MYO5A: variants seen among roughly 807,000 people sequenced by gnomAD.
MYO5A encodes unconventional myosin-Va.
Under a neutral mutation model 249.7 loss-of-function variants are expected in MYO5A, and 98 were observed. That is an observed-to-expected ratio of 0.39 (90% CI 0.33 to 0.46). The LOEUF (loss-of-function observed/expected upper bound fraction) is 0.46. MYO5A is among the 20% of genes least tolerant of loss of function. The pLI, the probability that MYO5A is intolerant of heterozygous loss-of-function variation, is 0.98. For synonymous variants in MYO5A, 778 were observed against 810.6 expected, an observed-to-expected ratio of 0.96 and a Z score of 0.68; for missense variants, 1,696 against 2,308.8, an observed-to-expected ratio of 0.73 and a Z score of 5.44.
At chr15:52,387,237 C>T (rs1044632066) in intron 14 of MYO5A, among the ~76,000 whole-genome samples, 2 of 152,124 alleles carry the variant, frequency 1.3e-5, no homozygotes, top group African/African-American at 4.8e-5. Flanking sequence ...TAGCTCTTAC[C>T]ATCTGGAATA....
At position 52,352,727 on chromosome 15, in the gene MYO5A, G is replaced by A. The variant is rs1421497833; in HGVS notation, c.3621+878C>T. On this transcript the variant is annotated intron_variant, in intron 27 of 41. Coordinates refer to ENST00000399233, the MANE Select transcript of MYO5A (RefSeq NM_001382347.1). ...GAACCTGGGAGGCGGTGCTTGCAGT[G>A]AGCCAAGATCACACCACTGCACTCC... Among the ~76,000 whole-genome samples, 4 of 152,130 alleles carry A rather than the reference G, an allele frequency of 2.6e-5. No individual in the cohort carries two copies. In the South Asian group the frequency reaches 8.3e-4, roughly 32 times the overall value.
At chr15:52,467,904 C>T (rs1467048523) in intron 1 of MYO5A, among the ~76,000 whole-genome samples, 1 of 152,160 alleles carries the variant, frequency 6.6e-6, no homozygotes, top group East Asian at 1.9e-4. Flanking sequence ...AAAAACCTAG[C>T]AGCCAATAAT....
intron 4 of MYO5A, among the ~76,000 whole-genome samples, chr15:52,417,609 G>A (rs148607890): frequency 2.2e-4 from 34 of 152,328 alleles, no homozygotes; most frequent in African/African-American, 7.9e-4. Context: ...GATATTGGGA[G>A]GTGGGGCCTT....
At chr15:52,507,507 C>G (rs1026810694) in intron 1 of MYO5A, among the ~76,000 whole-genome samples, 1 of 152,092 alleles carries the variant, frequency 6.6e-6, no homozygotes, top group Non-Finnish European at 1.5e-5. Context: ...TGTCCTAAAA[C>G]GTTCCAGAAG....
rs761592386 is a variant in MYO5A, at chr15:52,323,365, C to T, written c.4790G>A (p.Ser1597Asn). 5.0e-6 allele frequency: 8 copies of T among 1,612,850 alleles called. No individual in the cohort carries two copies. Among genetic ancestry groups the T allele is most frequent in the African/African-American group, 1.3e-5 (1 of 74,890 alleles). ...TCAAGGTTTTCTCACCTCTTCTCCACTGTACTGTTTCAAGCAGTGCAAAAA... is the reference window on the plus strand; with the variant it reads ...TCAAGGTTTTCTCACCTCTTCTCCATTGTACTGTTTCAAGCAGTGCAAAAA... ...CRFLHCLKQY[S>N]GEEGFMKHNT... Residue 1597 changes from serine to asparagine, a missense_variant, in exon 37 of 42, where the codon AGT becomes AAT. Physicochemically the swap from Ser to Asn is conservative, Grantham distance 46. Around this residue, in one of 5 missense-constraint regions of MYO5A, gnomAD observed 625 missense variants for 908.1 expected, o/e 0.69. Coordinates refer to ENST00000399233, the MANE Select transcript of MYO5A (RefSeq NM_001382347.1).
At chr15:52,375,568 C>A in intron 19 of MYO5A, 108 bp from the exon 20 acceptor site, 1 of 1,116,086 alleles carries the variant, frequency 9.0e-7, no homozygotes, top group East Asian at 2.5e-5. Context: ...ATAGTACCTC[C>A]ATTGTATTAT....
At chr15:52,463,516 C>T (rs1475006263) in intron 1 of MYO5A, among the ~76,000 whole-genome samples, 2 of 151,870 alleles carry the variant, frequency 1.3e-5, no homozygotes, top group Non-Finnish European at 2.9e-5. Flanking sequence ...ATTTTTTCCT[C>T]ATTTTCTTAG....
intron 1 of MYO5A, among the ~76,000 whole-genome samples, chr15:52,444,835 T>A (rs1299698046): frequency 1.3e-5 from 2 of 152,232 alleles, no homozygotes; most frequent in African/African-American, 4.8e-5. Flanking sequence ...AAGTCATGGG[T>A]AATTTTTTAA....
At chr15:52,493,568 A>T (rs1186066093) in intron 1 of MYO5A, among the ~76,000 whole-genome samples, 2 of 152,268 alleles carry the variant, frequency 1.3e-5, no homozygotes, top group East Asian at 3.9e-4. Flanking sequence ...AGGCTGAGGC[A>T]AGAGAATCGC....
chr15:52,393,610 G>C (rs2693458), intron 11 of MYO5A, among the ~76,000 whole-genome samples: 134,556 of 152,074 alleles, frequency 0.88, 61,686 homozygotes, highest in Non-Finnish European at 1. Flanking sequence ...AGCCAGGACA[G>C]TCTCGATCTC....
intron 1 of MYO5A, among the ~76,000 whole-genome samples, chr15:52,489,273 T>G (rs2076885654): frequency 6.6e-6 from 1 of 152,102 alleles, no homozygotes; most frequent in Admixed American, 6.6e-5. Context: ...ATTTAAAACC[T>G]CTCTGCATCG....
intron 5 of MYO5A, among the ~76,000 whole-genome samples, chr15:52,411,267 T>C (rs2043235574): frequency 6.6e-6 from 1 of 152,254 alleles, no homozygotes; most frequent in South Asian, 2.1e-4. Context: ...GATGTTTCTA[T>C]CACCTTATCC....
At chr15:52,384,971 CA>C (rs751055603) in intron 14 of MYO5A, among the ~76,000 whole-genome samples, 5 of 152,128 alleles carry the variant, frequency 3.3e-5, no homozygotes, top group Non-Finnish European at 5.9e-5. Context: ...TATTTGTTTT[CA>C]AGGGATTTAT....
intron 5 of MYO5A, among the ~76,000 whole-genome samples, chr15:52,413,122 G>A (rs2043320598): frequency 6.9e-6 from 1 of 144,256 alleles, no homozygotes; most frequent in Non-Finnish European, 1.5e-5. Flanking sequence ...ACTGCAGCCT[G>A]GACAACAAGA....
At chr15:52,362,242 C>A (rs988327117) in intron 24 of MYO5A, among the ~76,000 whole-genome samples, 2 of 152,176 alleles carry the variant, frequency 1.3e-5, no homozygotes, top group Non-Finnish European at 2.9e-5. Flanking sequence ...TGTATCAAGT[C>A]CCCTCCCTAG....
In MYO5A at chr15:52,321,429, C is replaced by T. The variant is rs1023886596; in HGVS notation, c.4881G>A (p.Leu1627=). Residue 1627 remains leucine (L), a synonymous_variant, in exon 38 of 42, where the codon CTG becomes CTA. Coordinates refer to ENST00000399233, the MANE Select transcript of MYO5A (RefSeq NM_001382347.1). The part of the protein sequence containing the change: ...NFDLAEYRQV[L]SDLAIQIYQQ... ...GGTAGATCTGAATGGCCAAGTCACT[C>T]AGCACCTGCCGATACTCAGCCAGGT... The T allele has an allele frequency of 1.9e-6, 3 of 1,614,206 alleles. No individual in the cohort carries two copies. The highest frequency in any genetic ancestry group is 2.5e-6 in the Non-Finnish European group (3 of 1,180,032).
intron 1 of MYO5A, among the ~76,000 whole-genome samples, chr15:52,457,540 A>C (rs2076144269): frequency 2.0e-5 from 3 of 152,204 alleles, no homozygotes. Context: ...CAGAAAATGC[A>C]AATCAAAACT....
chr15:52,475,369 T>G (rs188390533), intron 1 of MYO5A, among the ~76,000 whole-genome samples: 1 of 152,330 alleles, frequency 6.6e-6, no homozygotes, highest in East Asian at 1.9e-4. Context: ...TTGAAGGGTT[T>G]TTTGTGTCTC....
intron 9 of MYO5A, among the ~76,000 whole-genome samples, chr15:52,400,697 G>A (rs1020013982): frequency 3.3e-5 from 5 of 152,120 alleles, no homozygotes; most frequent in Non-Finnish European, 7.4e-5. Flanking sequence ...CCAGAGAAGT[G>A]GTGTTGCACT....
Sources: gnomAD v4.1 joint callset for allele counts (sites outside exome capture counted in the v4.1 genomes callset) on GRCh38, gnomAD v4.1.1 for gene constraint, gnomAD v4.1.1 regional missense constraint, MANE v1.5 for transcripts, NCBI Gene and HGNC (gene_info 2026-07-23, HGNC 2026-07-21) for gene names.